The following ATP11A variants were observed in gnomAD, a reference collection of about 807,000 sequenced individuals.
ATP11A encodes phospholipid-transporting ATPase IH.
Under a neutral mutation model 154.4 loss-of-function variants are expected in ATP11A, and 81 were observed. The observed-to-expected ratio is 0.52, with a 90% CI of 0.44 to 0.63. ATP11A has a LOEUF of 0.63. Ranked by LOEUF, ATP11A falls within the 30% of genes least tolerant of loss-of-function variation. ATP11A has a pLI of 0.00. For synonymous variants in ATP11A, 623 were observed against 585.9 expected (o/e 1.06, Z -0.91); for missense variants, 1,316 against 1,474.3 (o/e 0.89, Z 1.76).
chr13:112,729,787 T>C (rs2139683509), intron 1 of ATP11A, among the ~76,000 whole-genome samples: 1 of 152,364 alleles, frequency 6.6e-6, no homozygotes, highest in Non-Finnish European at 1.5e-5. Context: ...GTTGTGATGC[T>C]GGCCCCTCAG....
chr13:112,844,276 A>G (rs2079512128), intron 17 of ATP11A, among the ~76,000 whole-genome samples: 2 of 152,188 alleles, frequency 1.3e-5, no homozygotes, highest in Admixed American at 1.3e-4. Context: ...GAGTAGGCGC[A>G]TGGATTATGT....
intron 14 of ATP11A, 120 bp from the exon 15 acceptor site, chr13:112,834,469 G>A (rs763318044): frequency 1.6e-5 from 6 of 381,448 alleles, no homozygotes; most frequent in Non-Finnish European, 3.0e-5. Context: ...TATAATCTCT[G>A]TTTAACTGAA....
intron 1 of ATP11A, among the ~76,000 whole-genome samples, chr13:112,777,488 C>T (rs1031235312): frequency 2.0e-5 from 3 of 152,106 alleles, no homozygotes; most frequent in Non-Finnish European, 2.9e-5. Context: ...GGCTTGAACC[C>T]GGGAGGCGAA....
rs1366494482 is a variant in ATP11A at position 112,857,883 on chromosome 13, T to C, written c.2484T>C (p.Asn828=). The C allele has an allele frequency of 6.8e-6, 11 of 1,614,194 alleles. No homozygotes were observed. The highest frequency in any genetic ancestry group is 1.7e-5 in the Admixed American group (1 of 60,022). The part of the protein sequence containing the change: ...PITLAIGDGA[N]DVSMILEAHV... ...CGTTAGCAATTGGCGATGGTGCAAA[T>C]GATGTCAGCATGATTCTGGAAGCGC... Residue 828 remains asparagine (N), a synonymous_variant, in exon 21 of 30, where the codon AAT becomes AAC. Transcript: ENST00000375645.
chr13:112,751,963 A>G lies in ATP11A; in HGVS notation c.40-33172A>G, dbSNP rs1048324583. On this transcript the variant is annotated intron_variant, in intron 1 of 29. Transcript: ENST00000375645. Reference sequence around the variant, plus strand: ...AATACACAAATATATATGTCATTGCATCTTTGTAAATAACGATGTGGCTAA... The same window carrying G: ...AATACACAAATATATATGTCATTGCGTCTTTGTAAATAACGATGTGGCTAA... Among the ~76,000 whole-genome samples, 9 of 152,314 alleles carry G rather than the reference A, an allele frequency of 5.9e-5. No homozygotes were observed. In the South Asian group the frequency reaches 6.2e-4, roughly 11 times the overall value.
At position 112,871,210 on chromosome 13, in the gene ATP11A, T is replaced by A. The variant is rs1260816459; in HGVS notation, c.2992-525T>A. 2.0e-5 allele frequency among the ~76,000 whole-genome samples: 3 copies of A among 151,988 alleles called. No individual in the cohort carries two copies. The East Asian group carries it at 5.8e-4, about 29-fold the overall frequency. ...GCTGTTCTTCAACAGCAGGCAGGAG[T>A]CTGAGCTGAGTTCAGAAGGGAACAG... On this transcript the variant is annotated intron_variant, in intron 25 of 29. Transcript: ENST00000375645.
intron 1 of ATP11A, among the ~76,000 whole-genome samples, chr13:112,748,905 C>G (rs375445020): frequency 1.3e-5 from 2 of 152,360 alleles, no homozygotes; most frequent in Admixed American, 1.3e-4. Flanking sequence ...TTAACACTCG[C>G]GTTTGTTAAA....
chr13:112,825,925 GT>G (rs1346506523), intron 11 of ATP11A, among the ~76,000 whole-genome samples: 1 of 152,218 alleles, frequency 6.6e-6, no homozygotes, highest in African/African-American at 2.4e-5. Context: ...GGAAAAAAGG[GT>G]CTGCTCCCAG....
chr13:112,740,842 C>T (rs929534576), intron 1 of ATP11A, among the ~76,000 whole-genome samples: 3 of 152,200 alleles, frequency 2.0e-5, no homozygotes, highest in Non-Finnish European at 4.4e-5. Flanking sequence ...AGAAGGCGCT[C>T]GCCATCAGGG....
chr13:112,724,719 T>C (rs1889622154), intron 1 of ATP11A, among the ~76,000 whole-genome samples: 1 of 151,870 alleles, frequency 6.6e-6, no homozygotes, highest in South Asian at 2.1e-4. Context: ...TTGGGGCCCA[T>C]CTTGAGTCTC....
chr13:112,755,784 G>A lies in ATP11A; in HGVS notation c.40-29351G>A, dbSNP rs1284445819. On this transcript the variant is annotated intron_variant, in intron 1 of 29. Coordinates refer to ENST00000375645, the MANE Select transcript of ATP11A (RefSeq NM_015205.3). Reference sequence around the variant, plus strand: ...GGCTCCCAGAACCATTTCCGGTCACGGAAGCGGCACTCAGAGCGGCTCCCA... The same window carrying A: ...GGCTCCCAGAACCATTTCCGGTCACAGAAGCGGCACTCAGAGCGGCTCCCA... 2.1e-5 allele frequency among the ~76,000 whole-genome samples: 3 copies of A among 144,436 alleles called. No homozygotes were observed. The South Asian group carries it at 6.7e-4, about 32-fold the overall frequency. The allele number at this position is 144,436 out of a possible 152,430, so 94.8% of individuals were successfully genotyped here.
At chr13:112,852,931 G>A (rs1190549885) in intron 18 of ATP11A, among the ~76,000 whole-genome samples, 1 of 152,072 alleles carries the variant, frequency 6.6e-6, no homozygotes, top group South Asian at 2.1e-4. Flanking sequence ...GAGCACGCTT[G>A]TAAACAGGGC....
chr13:112,854,558 C>A (rs1354644839), intron 19 of ATP11A, 28 bp downstream of exon 19: 1 of 1,590,564 alleles, frequency 6.3e-7, no homozygotes, highest in Non-Finnish European at 8.5e-7. Flanking sequence ...GCCCCCACCC[C>A]CACACTCCCG....
chr13:112,749,447 C>T (rs1594533556), intron 1 of ATP11A, among the ~76,000 whole-genome samples: 1 of 152,338 alleles, frequency 6.6e-6, no homozygotes, highest in East Asian at 1.9e-4. Context: ...TGGTCAAAGG[C>T]TTAAGGAATT....
chr13:112,846,054 C>A (rs1227858220), intron 17 of ATP11A, among the ~76,000 whole-genome samples: 1 of 152,194 alleles, frequency 6.6e-6, no homozygotes, highest in Admixed American at 6.5e-5. Context: ...CTCCTGGGGA[C>A]CCTCCTGTCA....
At chr13:112,775,407 G>A (rs2077324160) in intron 1 of ATP11A, among the ~76,000 whole-genome samples, 1 of 152,190 alleles carries the variant, frequency 6.6e-6, no homozygotes, top group Admixed American at 6.5e-5. Context: ...CCGCTGACAG[G>A]AGGAACCCCT....
At chr13:112,752,346 A>C (rs1225951511) in intron 1 of ATP11A, among the ~76,000 whole-genome samples, 1 of 152,118 alleles carries the variant, frequency 6.6e-6, no homozygotes, top group Non-Finnish European at 1.5e-5. Context: ...TCCTGCGAGG[A>C]CCTGTTTGAG....
Position 112,838,009 on chromosome 13 carries a change from C to T in ATP11A, c.1705+1758C>T, listed in dbSNP as rs981450126. The stretch of plus-strand genomic sequence containing the variant: ...GTCACACAGCATCACCTCTGAGACA[C>T]GCCATCAAATGTGGGATGAATCCAG... On this transcript the variant is annotated intron_variant, in intron 16 of 29. Coordinates refer to ENST00000375645, the MANE Select transcript of ATP11A (RefSeq NM_015205.3). This position sits in a 1 kb window ranked among gnomAD's most constrained non-coding sequence, Gnocchi z 7.3. 6.6e-6 allele frequency among the ~76,000 whole-genome samples: 1 copy of T among 152,036 alleles called. No individual in the cohort carries two copies. Among genetic ancestry groups the T allele is most frequent in the African/African-American group, 2.4e-5 (1 of 41,370 alleles).
At chr13:112,878,727 GCCT>G (rs1413982914) in intron 29 of ATP11A, among the ~76,000 whole-genome samples, 1 of 152,156 alleles carries the variant, frequency 6.6e-6, no homozygotes, top group African/African-American at 2.4e-5. Context: ...GGATCACAAG[GCCT>G]CCTCCCTCAC....
Sources: allele counts gnomAD v4.1 joint callset (sites outside exome capture counted in the v4.1 genomes callset), GRCh38; gene constraint gnomAD v4.1.1; non-coding constraint Gnocchi (gnomAD v3.1); transcripts MANE v1.5; gene names NCBI Gene and HGNC (gene_info 2026-07-23, HGNC 2026-07-21).